Variants in TENM1 observed in about 807,000 individuals in gnomAD.
The protein encoded by TENM1 is teneurin-1.
A neutral mutation model predicts 174.8 loss-of-function variants in TENM1; 35 were observed. The ratio of observed to expected loss-of-function variants is 0.20; its 90% CI spans 0.15 to 0.27. The LOEUF is 0.27. Ranked by LOEUF, TENM1 falls within the 10% of genes least tolerant of loss-of-function variation. The pLI, the probability that TENM1 is intolerant of heterozygous loss-of-function variation, is 1.00. For missense variants in TENM1, 1,633 were observed against 2,130.1 expected, an observed-to-expected ratio of 0.77 and a Z score of 4.59; for synonymous variants, 781 against 798.7, an observed-to-expected ratio of 0.98 and a Z score of 0.37.
At chrX:124,890,721 T>C (rs1247682714) in intron 3 of TENM1, among the ~76,000 whole-genome samples, 1 of 110,194 alleles carries the variant, frequency 9.1e-6, no homozygotes, top group Non-Finnish European at 1.9e-5. Flanking sequence ...ACTTATATAC[T>C]GTCGGTGGGA....
intron 15 of TENM1, among the ~76,000 whole-genome samples, chrX:124,537,346 C>T (rs1360818674): frequency 9.0e-6 from 1 of 111,199 alleles, no homozygotes; most frequent in Non-Finnish European, 1.9e-5. Context: ...AGATACTTTC[C>T]TTACCTTATT....
intron 3 of TENM1, among the ~76,000 whole-genome samples, chrX:124,819,340 T>C (rs1053319059): frequency 1.2e-4 from 13 of 111,391 alleles, no homozygotes; most frequent in African/African-American, 4.2e-4. Flanking sequence ...GAGTTTCTAT[T>C]GCACCTTAAA....
At chrX:125,192,978 T>A in the TENM1 span, among the ~76,000 whole-genome samples, 2 of 111,653 alleles carry the variant, frequency 1.8e-5, no homozygotes, top group Non-Finnish European at 3.8e-5. Flanking sequence ...TTTTTTCAGT[T>A]ATTTTTTTTC....
the TENM1 span, among the ~76,000 whole-genome samples, chrX:125,184,209 C>A: frequency 1.8e-5 from 2 of 111,972 alleles, no homozygotes; most frequent in East Asian, 5.6e-4. Flanking sequence ...CCTCTCCATT[C>A]TGATCCATTC....
the TENM1 span, among the ~76,000 whole-genome samples, chrX:124,987,742 T>TGTGTGA: frequency 9.3e-6 from 1 of 107,113 alleles, no homozygotes; most frequent in African/African-American, 3.4e-5. Context: ...TGTGTGTGTG[T>TGTGTGA]GATTACAAAA....
At chrX:124,952,392 T>C (rs1407634846) in intron 1 of TENM1, among the ~76,000 whole-genome samples, 4 of 110,099 alleles carry the variant, frequency 3.6e-5, no homozygotes, top group Non-Finnish European at 7.6e-5. Context: ...TTACTAAATA[T>C]ATGACATTAG....
intron 3 of TENM1, among the ~76,000 whole-genome samples, chrX:124,893,598 C>T (rs767597552): frequency 2.5e-4 from 28 of 111,765 alleles, no homozygotes; most frequent in Non-Finnish European, 4.1e-4. Context: ...GACCCTACCA[C>T]GAGGTGTTAG....
intron 1 of TENM1, among the ~76,000 whole-genome samples, chrX:124,922,208 T>C (rs958304602): frequency 6.3e-5 from 7 of 111,698 alleles, no homozygotes; most frequent in African/African-American, 2.3e-4. Context: ...TGCAGTCTTT[T>C]TCTCTTAGAA....
At chrX:124,687,882 G>A (rs1449844927) in intron 5 of TENM1, among the ~76,000 whole-genome samples, 1 of 112,591 alleles carries the variant, frequency 8.9e-6, no homozygotes, top group African/African-American at 3.2e-5. Flanking sequence ...AGAGAGCAGC[G>A]TGGTGGCTGT....
At chrX:124,631,663 G>C (rs958976709) in intron 11 of TENM1, among the ~76,000 whole-genome samples, 1 of 110,099 alleles carries the variant, frequency 9.1e-6, no homozygotes, top group Non-Finnish European at 1.9e-5. Flanking sequence ...ACTTTGGGAG[G>C]CTGAGGCAGC....
chrX:124,879,148 C>A (rs1481601086), intron 3 of TENM1, among the ~76,000 whole-genome samples: 1 of 111,814 alleles, frequency 8.9e-6, no homozygotes. Context: ...TCCTCTCTTC[C>A]AGGTATTTTG....
chrX:124,964,866 CTT>C (rs1938290930), upstream of TENM1, among the ~76,000 whole-genome samples: 1 of 112,049 alleles, frequency 8.9e-6, no homozygotes, highest in Non-Finnish European at 1.9e-5. Context: ...GAAACTGACT[CTT>C]TTATTTTTCT....
chrX:124,485,809 A>G (rs145957685), intron 21 of TENM1, among the ~76,000 whole-genome samples: 5 of 111,599 alleles, frequency 4.5e-5, no homozygotes, highest in African/African-American at 1.6e-4. Flanking sequence ...AGACTAGATT[A>G]TATGTGATTT....
intron 22 of TENM1, among the ~76,000 whole-genome samples, chrX:124,475,556 T>C: frequency 9.0e-6 from 1 of 111,619 alleles, no homozygotes. Flanking sequence ...AATGGCAGGG[T>C]CACCAACGAA....
At chrX:125,092,528 G>C in the TENM1 span, among the ~76,000 whole-genome samples, 13 of 111,765 alleles carry the variant, frequency 1.2e-4, no homozygotes, top group African/African-American at 4.2e-4. Flanking sequence ...TTTTAGGGAA[G>C]TAAAATGCAA....
At chrX:125,192,124 TC>T in the TENM1 span, among the ~76,000 whole-genome samples, 1 of 111,225 alleles carries the variant, frequency 9.0e-6, no homozygotes, top group Non-Finnish European at 1.9e-5. Flanking sequence ...AAACTTCTGT[TC>T]TTTATTTTAA....
the TENM1 span, among the ~76,000 whole-genome samples, chrX:125,060,724 G>C: frequency 9.1e-6 from 1 of 110,163 alleles, no homozygotes; most frequent in Non-Finnish European, 1.9e-5. Context: ...GAATACTCAC[G>C]AGGCAGCTTA....
chrX:124,821,293 G>C (rs2056031992), intron 3 of TENM1, among the ~76,000 whole-genome samples: 1 of 111,865 alleles, frequency 8.9e-6, no homozygotes, highest in Admixed American at 9.5e-5. Flanking sequence ...TAACAGGATA[G>C]AGAATGAAAA....
chrX:125,084,307 G>T, the TENM1 span, among the ~76,000 whole-genome samples: 1 of 110,483 alleles, frequency 9.1e-6, no homozygotes, highest in Non-Finnish European at 1.9e-5. Flanking sequence ...ACTGTGCTTG[G>T]TTTTTGGGAT....
Sources: gnomAD v4.1 joint callset for allele counts (sites outside exome capture counted in the v4.1 genomes callset) on GRCh38, gnomAD v4.1.1 for gene constraint, MANE v1.5 for transcripts, NCBI Gene and HGNC (gene_info 2026-07-23, HGNC 2026-07-21) for gene names.